Variants in CDK6 observed in about 807,000 individuals in gnomAD.
CDK6 encodes cyclin dependent kinase 6.
A neutral mutation model predicts 37.1 loss-of-function variants in CDK6; 6 were observed. The observed-to-expected ratio is 0.16, with a 90% CI of 0.09 to 0.32. CDK6 has a LOEUF of 0.32. CDK6 is among the 10% of genes least tolerant of loss of function. The pLI, the probability that CDK6 is intolerant of heterozygous loss-of-function variation, is 1.00. For synonymous variants in CDK6, 160 were observed against 161.3 expected (o/e 0.99, Z 0.06); for missense variants, 224 against 418.9 (o/e 0.53, Z 4.06).
chr7:92,741,590 CT>C (rs1329059855), intron 3 of CDK6, among the ~76,000 whole-genome samples: 8 of 152,122 alleles, frequency 5.3e-5, no homozygotes, highest in African/African-American at 1.9e-4. Context: ...GTGATTTTTA[CT>C]TTTTGGATTC....
intron 4 of CDK6, among the ~76,000 whole-genome samples, chr7:92,704,709 T>C (rs1274268420): frequency 6.6e-6 from 1 of 152,238 alleles, no homozygotes; most frequent in Non-Finnish European, 1.5e-5. Flanking sequence ...ATTGTGGGAA[T>C]ATACCAGTGT....
intron 2 of CDK6, among the ~76,000 whole-genome samples, chr7:92,829,683 G>C (rs1801427532): frequency 6.6e-6 from 1 of 152,184 alleles, no homozygotes; most frequent in East Asian, 1.9e-4. Context: ...CTATGTTAGG[G>C]AGGTAAAATT....
intron 2 of CDK6, among the ~76,000 whole-genome samples, chr7:92,801,579 C>T (rs959185548): frequency 2.0e-5 from 3 of 152,112 alleles, no homozygotes; most frequent in Non-Finnish European, 4.4e-5. Context: ...ATAAGCACCT[C>T]CCAAAATTAA....
chr7:92,658,787 A>G (rs1796767538), intron 5 of CDK6, among the ~76,000 whole-genome samples: 1 of 152,226 alleles, frequency 6.6e-6, no homozygotes, highest in African/African-American at 2.4e-5. Flanking sequence ...TAAAACTAAC[A>G]GGCATGGAAA....
intron 2 of CDK6, among the ~76,000 whole-genome samples, chr7:92,785,231 T>A (rs73710480): frequency 0.11 from 16,016 of 152,184 alleles, 1,026 homozygotes; most frequent in South Asian, 0.3. Flanking sequence ...AAATACATGC[T>A]ATGACATGGA....
chr7:92,752,508 G>A (rs762049624), intron 3 of CDK6, among the ~76,000 whole-genome samples: 1 of 152,186 alleles, frequency 6.6e-6, no homozygotes, highest in Non-Finnish European at 1.5e-5. Context: ...CCTAAAATGA[G>A]AAACTACTTT....
At chr7:92,786,616 T>G (rs961145751) in intron 2 of CDK6, among the ~76,000 whole-genome samples, 2 of 141,084 alleles carry the variant, frequency 1.4e-5, no homozygotes, top group African/African-American at 5.6e-5. Context: ...TCTGGCTCTG[T>G]GTGTGTGTGT....
intron 3 of CDK6, among the ~76,000 whole-genome samples, chr7:92,767,577 G>A (rs149610292): frequency 5.6e-4 from 86 of 152,226 alleles, no homozygotes; most frequent in Middle Eastern, 6.8e-3. Context: ...AATATACTCA[G>A]TATTGACTCA....
intron 2 of CDK6, among the ~76,000 whole-genome samples, chr7:92,810,925 G>A (rs1800865497): frequency 6.6e-6 from 1 of 152,094 alleles, no homozygotes; most frequent in African/African-American, 2.4e-5. Context: ...AATTAGCTGG[G>A]CATGGTGGTG....
intron 4 of CDK6, among the ~76,000 whole-genome samples, chr7:92,722,395 T>C (rs1385992550): frequency 6.6e-6 from 1 of 152,218 alleles, no homozygotes; most frequent in Admixed American, 6.5e-5. Flanking sequence ...AATTCATATA[T>C]GTAATTTGTT....
chr7:92,727,390 T>C (rs1798538536), intron 3 of CDK6, among the ~76,000 whole-genome samples: 1 of 152,198 alleles, frequency 6.6e-6, no homozygotes, highest in Non-Finnish European at 1.5e-5. Context: ...AGTTCTGTCT[T>C]TATATTTTAG....
chr7:92,773,933 C>T (rs1799780573), intron 3 of CDK6, among the ~76,000 whole-genome samples: 1 of 152,056 alleles, frequency 6.6e-6, no homozygotes, highest in South Asian at 2.1e-4. Flanking sequence ...CTAATTCACA[C>T]AGACAAAAAG....
chr7:92,649,405 A>G (rs1486877161), intron 5 of CDK6, among the ~76,000 whole-genome samples: 3 of 152,192 alleles, frequency 2.0e-5, no homozygotes, highest in Non-Finnish European at 4.4e-5. Context: ...AGGTGACTGG[A>G]TGTCCTGGTT....
intron 4 of CDK6, chr7:92,701,569 C>A (rs928385596): frequency 6.6e-6 from 1 of 152,210 alleles, no homozygotes; most frequent in Non-Finnish European, 1.5e-5. Flanking sequence ...CCACACCCGG[C>A]TAATTTTTTG....
At chr7:92,744,624 T>C (rs1412418387) in intron 3 of CDK6, among the ~76,000 whole-genome samples, 2 of 149,766 alleles carry the variant, frequency 1.3e-5, no homozygotes, top group African/African-American at 4.8e-5. Flanking sequence ...GAGGATACTA[T>C]GTTTGTCTCA....
chr7:92,720,765 A>G (rs1287824899), intron 4 of CDK6, among the ~76,000 whole-genome samples: 22 of 152,294 alleles, frequency 1.4e-4, no homozygotes, highest in Non-Finnish European at 4.4e-5. Flanking sequence ...TCTTCACAAA[A>G]ATAAGTTGCA....
intron 4 of CDK6, among the ~76,000 whole-genome samples, chr7:92,713,545 T>C (rs1798150455): frequency 6.6e-6 from 1 of 151,984 alleles, no homozygotes; most frequent in Admixed American, 6.6e-5. Flanking sequence ...AAAGTGGTTA[T>C]GATTAGAATG....
chr7:92,697,674 T>C (rs1562939200), intron 4 of CDK6, among the ~76,000 whole-genome samples: 1 of 152,114 alleles, frequency 6.6e-6, no homozygotes, highest in Non-Finnish European at 1.5e-5. Flanking sequence ...CTCTAACCAA[T>C]TGGTGTACAT....
intron 3 of CDK6, among the ~76,000 whole-genome samples, chr7:92,735,307 G>A (rs1798759390): frequency 6.6e-6 from 1 of 151,988 alleles, no homozygotes; most frequent in Admixed American, 6.6e-5. Flanking sequence ...GGGTATATGT[G>A]CAGGTTTGTT....
Sources: allele counts gnomAD v4.1 joint callset (sites outside exome capture counted in the v4.1 genomes callset), GRCh38; gene constraint gnomAD v4.1.1; transcripts MANE v1.5; gene names NCBI Gene and HGNC (gene_info 2026-07-23, HGNC 2026-07-21).